The following TNFRSF21 variants were observed in gnomAD, a reference collection of about 807,000 sequenced individuals.
The protein encoded by TNFRSF21 is tumor necrosis factor receptor superfamily member 21.
In TNFRSF21, 19 loss-of-function variants were observed where a neutral mutation model predicts 45.6. The ratio of observed to expected loss-of-function variants is 0.42; its 90% CI spans 0.29 to 0.61. The LOEUF is 0.61. Ranked by LOEUF, TNFRSF21 falls within the 20% of genes least tolerant of loss-of-function variation. TNFRSF21 has a pLI of 0.23. For synonymous variants in TNFRSF21, 314 were observed against 335.5 expected (o/e 0.94, Z 0.70); for missense variants, 737 against 851.5 (o/e 0.87, Z 1.67).
At position 47,309,486 on chromosome 6, in the gene TNFRSF21, G is replaced by T; in HGVS notation, c.26C>A (p.Thr9Asn). ...GATGCGGCTGCAGGAGGCGAGGGCG[G>T]TGCTGCTGCTCGGAGAGGTCCCCAT... MGTSPSSS[T>N]ALASCSRIAR... The change falls in exon 1 of 6, where the codon ACC becomes AAC. Residue 9 changes from threonine (T) to asparagine (N), a missense_variant. Transcript: ENST00000296861. 1 of 1,523,520 alleles carries T rather than the reference G, an allele frequency of 6.6e-7. No homozygotes were observed. The highest frequency in any genetic ancestry group is 8.7e-7 in the Non-Finnish European group (1 of 1,142,900). The allele number at this position is 1,523,520 out of a possible 1,614,324, so 94.4% of individuals were successfully genotyped here. A position where few individuals can be genotyped will look rare whatever the true frequency, so the allele number is the denominator to read the frequency against.
At chr6:47,274,414 G>A (rs924454453) in intron 3 of TNFRSF21, among the ~76,000 whole-genome samples, 3 of 152,200 alleles carry the variant, frequency 2.0e-5, no homozygotes, top group African/African-American at 7.2e-5. Context: ...AATAAATGGT[G>A]TTGGGAAAAC....
chr6:47,286,242 A>G lies in TNFRSF21; in HGVS notation c.450T>C (p.Cys150=), dbSNP rs1018010608. The G allele has an allele frequency of 8.1e-6, 13 of 1,614,056 alleles. No individual in the cohort carries two copies. In the African/African-American group the frequency reaches 1.6e-4, roughly 20 times the overall value. Residue 150 remains cysteine (C), a synonymous_variant, in exon 2 of 6, where the codon TGT becomes TGC. Coordinates refer to ENST00000296861, the MANE Select transcript of TNFRSF21 (RefSeq NM_014452.5). The part of the protein sequence containing the change: ...SNATCAPHTV[C]PVGWGVRKKG... Reference sequence around the variant, plus strand: ...TCTTCCGCACACCCCAACCCACAGGACACACCGTATGGGGGGCACAGGTAG... The same window carrying G: ...TCTTCCGCACACCCCAACCCACAGGGCACACCGTATGGGGGGCACAGGTAG...
intron 4 of TNFRSF21, among the ~76,000 whole-genome samples, chr6:47,238,228 T>C (rs915856721): frequency 5.3e-5 from 8 of 152,220 alleles, no homozygotes; most frequent in Non-Finnish European, 4.4e-5. Flanking sequence ...AGGAAGATTA[T>C]CAATGTGGCT....
chr6:47,259,068 T>C (rs9369670), intron 3 of TNFRSF21, among the ~76,000 whole-genome samples: 54,881 of 152,148 alleles, frequency 0.36, 11,283 homozygotes, highest in East Asian at 0.55. Context: ...TAGAAAAGCA[T>C]TTCATTAAAA....
At chr6:47,304,826 C>T (rs1351019481) in intron 1 of TNFRSF21, among the ~76,000 whole-genome samples, 1 of 152,010 alleles carries the variant, frequency 6.6e-6, no homozygotes, top group African/African-American at 2.4e-5. Context: ...TTGTACTGGA[C>T]TTGGGGAAGA....
chr6:47,286,893 G>T (rs1762657349), intron 1 of TNFRSF21, among the ~76,000 whole-genome samples: 1 of 152,046 alleles, frequency 6.6e-6, no homozygotes, highest in Non-Finnish European at 1.5e-5. Flanking sequence ...ATCTCAAATT[G>T]ATTATAAAAA....
At chr6:47,290,703 C>A (rs1762711997) in intron 1 of TNFRSF21, among the ~76,000 whole-genome samples, 3 of 152,168 alleles carry the variant, frequency 2.0e-5, no homozygotes, top group East Asian at 3.8e-4. Flanking sequence ...TTACCTCATA[C>A]AACAAGAGAC....
At chr6:47,257,039 G>C (rs1012187471) in intron 3 of TNFRSF21, among the ~76,000 whole-genome samples, 1 of 151,988 alleles carries the variant, frequency 6.6e-6, no homozygotes, top group African/African-American at 2.4e-5. Context: ...TTTATTTTTG[G>C]AAGTGTTCCC....
intron 1 of TNFRSF21, among the ~76,000 whole-genome samples, chr6:47,298,848 C>T (rs1762823916): frequency 6.6e-6 from 1 of 152,192 alleles, no homozygotes; most frequent in African/African-American, 2.4e-5. Flanking sequence ...CAGAAAGGCA[C>T]AATCAATATT....
Position 47,232,986 on chromosome 6 carries a change from CCTT to C in TNFRSF21, c.1744_1746del (p.Lys582del). On this transcript the variant is annotated inframe_deletion, in exon 6 of 6. Transcript: ENST00000296861. Reference sequence around the variant, plus strand: ...AGGCGTACCTGCCGCAACACTGTGTCCTTCTTTTCTGCAGAGAAGAGAGGGAAG... The same window carrying C: ...AGGCGTACCTGCCGCAACACTGTGTCCTTTTCTGCAGAGAAGAGAGGGAAG... 2 of 1,614,122 alleles carry C rather than the reference CCTT, an allele frequency of 1.2e-6. No homozygotes were observed. Among genetic ancestry groups the C allele is most frequent in the Non-Finnish European group, 1.7e-6 (2 of 1,179,992 alleles).
chr6:47,265,160 C>G (rs1389535142), intron 3 of TNFRSF21, among the ~76,000 whole-genome samples: 1 of 152,184 alleles, frequency 6.6e-6, no homozygotes, highest in Non-Finnish European at 1.5e-5. Context: ...CTTGAAACAG[C>G]CTCTATTTCT....
In TNFRSF21 at chr6:47,309,741, C is replaced by T. The variant is rs1461459671; in HGVS notation, c.-230G>A. 2.1e-6 allele frequency: 1 copy of T among 470,498 alleles called. No individual in the cohort carries two copies. 29.1% of individuals were successfully genotyped at this position (470,498 alleles called of 1,614,324 possible). A position where few individuals can be genotyped will look rare whatever the true frequency, so the allele number is the denominator to read the frequency against. On this transcript the variant is annotated 5_prime_UTR_variant, in exon 1 of 6. Coordinates refer to ENST00000296861, the MANE Select transcript of TNFRSF21 (RefSeq NM_014452.5). ...CGGCCGCCCAGGCGGGGAGAAGCCG[C>T]CGCGACTGCAGCCCGCGTCTCCGGG...
chr6:47,291,242 A>C, intron 1 of TNFRSF21, among the ~76,000 whole-genome samples: 1 of 152,240 alleles, frequency 6.6e-6, no homozygotes, highest in East Asian at 1.9e-4. Flanking sequence ...CCACAGTTAC[A>C]TCTGAAGAGT....
chr6:47,243,272 GAT>G (rs1355308925), intron 4 of TNFRSF21, among the ~76,000 whole-genome samples: 1 of 152,096 alleles, frequency 6.6e-6, no homozygotes, highest in East Asian at 1.9e-4. Flanking sequence ...CTCTTCCAGA[GAT>G]AGAGACAGTC....
At chr6:47,236,315 T>C (rs1351201111) in intron 4 of TNFRSF21, among the ~76,000 whole-genome samples, 1 of 151,744 alleles carries the variant, frequency 6.6e-6, no homozygotes, top group Non-Finnish European at 1.5e-5. Context: ...CAGAGCAGGG[T>C]TCAGGGAATG....
At chr6:47,281,058 A>C (rs1408310885) in intron 3 of TNFRSF21, among the ~76,000 whole-genome samples, 1 of 152,144 alleles carries the variant, frequency 6.6e-6, no homozygotes, top group Non-Finnish European at 1.5e-5. Context: ...TGGATCCTAC[A>C]CTAGAGAAAA....
intron 3 of TNFRSF21, among the ~76,000 whole-genome samples, chr6:47,263,241 A>C (rs1348531232): frequency 1.3e-5 from 2 of 152,162 alleles, no homozygotes; most frequent in Admixed American, 6.5e-5. Context: ...GTGATGGGCA[A>C]TTGATGTGGA....
intron 1 of TNFRSF21, among the ~76,000 whole-genome samples, chr6:47,287,323 A>AAG (rs1554152703): frequency 2.0e-4 from 29 of 142,340 alleles, no homozygotes; most frequent in East Asian, 1.2e-3. Flanking sequence ...AAAAAAAAAA[A>AAG]AAAAAAAAAA....
At position 47,234,827 on chromosome 6, in the gene TNFRSF21, G is replaced by T. The variant is rs751084440; in HGVS notation, c.1581C>A (p.Asn527Lys). 17 of 1,544,344 alleles carry T rather than the reference G, an allele frequency of 1.1e-5. No individual in the cohort carries two copies. Among genetic ancestry groups the T allele is most frequent in the Non-Finnish European group, 1.4e-5 (16 of 1,148,940 alleles). ...PLSPSPIPSP[N>K]AKLENSALLT... is the part of the protein sequence containing the mutation. ...GGAGAGCGGAATTCTCAAGTTTCGCGTTGGGGCTGGGGATGGGGCTCGGGC... is the reference window on the plus strand; with the variant it reads ...GGAGAGCGGAATTCTCAAGTTTCGCTTTGGGGCTGGGGATGGGGCTCGGGC... Residue 527 changes from asparagine to lysine, a missense_variant, in exon 5 of 6, where the codon AAC becomes AAA. Coordinates refer to ENST00000296861, the MANE Select transcript of TNFRSF21 (RefSeq NM_014452.5).
Sources: gnomAD v4.1 joint callset for allele counts (sites outside exome capture counted in the v4.1 genomes callset) on GRCh38, gnomAD v4.1.1 for gene constraint, MANE v1.5 for transcripts, NCBI Gene and HGNC (gene_info 2026-07-23, HGNC 2026-07-21) for gene names.